SRFBP1: variants seen among roughly 807,000 people sequenced by gnomAD.
SRFBP1 encodes serum response factor binding protein 1, also known as serum response factor-binding protein 1.
SRFBP1 carries 47 observed loss-of-function variants against 45.5 expected under a neutral mutation model. That is an observed-to-expected ratio of 1.03 (90% CI 0.82 to 1.32). The LOEUF (loss-of-function observed/expected upper bound fraction) is 1.32. Ranked by LOEUF, SRFBP1 falls within the 40% of genes most tolerant of loss-of-function variation. SRFBP1 has a pLI of 0.00. For missense variants in SRFBP1, 621 were observed against 484.6 expected, an observed-to-expected ratio of 1.28 and a Z score of -2.64; for synonymous variants, 203 against 166.3, an observed-to-expected ratio of 1.22 and a Z score of -1.70.
intron 3 of SRFBP1, among the ~76,000 whole-genome samples, chr5:121,982,500 A>G (rs901548863): frequency 6.6e-6 from 1 of 152,044 alleles, no homozygotes; most frequent in Non-Finnish European, 1.5e-5. Flanking sequence ...GGCCATATTT[A>G]TATAAAGTCT....
intron 7 of SRFBP1, among the ~76,000 whole-genome samples, chr5:122,024,857 A>C (rs1056092758): frequency 3.9e-5 from 6 of 152,068 alleles, no homozygotes; most frequent in African/African-American, 1.4e-4. Context: ...TACATATACA[A>C]CTCTATGTAA....
chr5:121,987,800 C>T (rs1752546114), intron 3 of SRFBP1, among the ~76,000 whole-genome samples: 1 of 152,246 alleles, frequency 6.6e-6, no homozygotes, highest in Admixed American at 6.5e-5. Flanking sequence ...TTATTGCCTC[C>T]AAGTTGCTTT....
rs78852116 is a variant in SRFBP1 at position 121,980,344 on chromosome 5, A to G, written c.198+4957A>G. ...TTCTGGCACTTGATTTAAGTGCCAT[A>G]TGCCAGATTTCTCCATTGTAAAGGT... On this transcript the variant is annotated intron_variant, in intron 3 of 7. Coordinates refer to ENST00000339397, the MANE Select transcript of SRFBP1 (RefSeq NM_152546.3). Among the ~76,000 whole-genome samples, 508 of 152,266 alleles carry G rather than the reference A, an allele frequency of 3.3e-3. 10 individuals are homozygous for G. The highest frequency in any genetic ancestry group is 8.3e-3 in the South Asian group (40 of 4,828).
At chr5:122,003,832 A>T (rs184627357) in intron 4 of SRFBP1, among the ~76,000 whole-genome samples, 21 of 152,184 alleles carry the variant, frequency 1.4e-4, no homozygotes, top group Admixed American at 1.1e-3. Context: ...CATTTTTTAT[A>T]TATCTGTTGG....
intron 3 of SRFBP1, among the ~76,000 whole-genome samples, chr5:121,984,967 A>G (rs985222791): frequency 1.1e-4 from 16 of 152,018 alleles, no homozygotes; most frequent in African/African-American, 3.6e-4. Flanking sequence ...GAAAAGTTCA[A>G]ATACTTATTT....
At chr5:122,033,507 C>G (rs969183590), downstream of SRFBP1, among the ~76,000 whole-genome samples, 11 of 151,808 alleles carry the variant, frequency 7.2e-5, no homozygotes, top group African/African-American at 2.7e-4. Flanking sequence ...TAAAGTCTCA[C>G]TGGAGTGCAC....
intron 4 of SRFBP1, among the ~76,000 whole-genome samples, chr5:122,011,794 A>G (rs1753099484): frequency 6.6e-6 from 1 of 152,082 alleles, no homozygotes; most frequent in African/African-American, 2.4e-5. Context: ...GAGGAGGGAA[A>G]GAGTCTGTTC....
intron 2 of SRFBP1, chr5:122,073,982 T>C (rs1392465270): frequency 6.3e-7 from 1 of 1,597,960 alleles, no homozygotes; most frequent in Middle Eastern, 1.9e-4. Context: ...CTCTGAGGCT[T>C]GAGGTTCTGG....
intron 4 of SRFBP1, among the ~76,000 whole-genome samples, chr5:122,018,932 A>C (rs894044994): frequency 1.3e-5 from 2 of 152,120 alleles, no homozygotes; most frequent in Non-Finnish European, 1.5e-5. Flanking sequence ...AGATTGTTCA[A>C]GCTCTTTGAT....
At chr5:122,036,271 G>T (rs1413087239) in intron 2 of SRFBP1, among the ~76,000 whole-genome samples, 3 of 152,078 alleles carry the variant, frequency 2.0e-5, no homozygotes, top group African/African-American at 7.2e-5. Context: ...TCTGTGCTCT[G>T]GGAGACTGGA....
chr5:122,017,479 G>A (rs1306657209), intron 4 of SRFBP1, among the ~76,000 whole-genome samples: 1 of 152,098 alleles, frequency 6.6e-6, no homozygotes, highest in Non-Finnish European at 1.5e-5. Flanking sequence ...GTCTTACTGG[G>A]CTTAAGACCA....
chr5:122,018,979 G>A (rs1753241228), intron 4 of SRFBP1, among the ~76,000 whole-genome samples: 1 of 152,018 alleles, frequency 6.6e-6, no homozygotes. Flanking sequence ...GTTACACATG[G>A]TGCTTATCAC....
At chr5:122,014,555 C>T (rs1009858533) in intron 4 of SRFBP1, among the ~76,000 whole-genome samples, 7 of 149,540 alleles carry the variant, frequency 4.7e-5, no homozygotes, top group Non-Finnish European at 8.9e-5. Context: ...TAGAAGAAGA[C>T]ATTAGAAAAA....
chr5:122,057,255 A>G (rs143731506), intron 2 of SRFBP1, among the ~76,000 whole-genome samples: 149 of 152,260 alleles, frequency 9.8e-4, no homozygotes, highest in African/African-American at 3.5e-3. Flanking sequence ...TCCAAAAACA[A>G]TGTTTTGGCT....
intron 3 of SRFBP1, among the ~76,000 whole-genome samples, chr5:121,994,133 A>T (rs550111927): frequency 3.9e-4 from 60 of 151,972 alleles, no homozygotes; most frequent in African/African-American, 1.4e-3. Context: ...TAGTATTTCT[A>T]TTTCCTTTAT....
At chr5:121,963,312 A>G (rs1441967111) in intron 1 of SRFBP1, among the ~76,000 whole-genome samples, 1 of 152,178 alleles carries the variant, frequency 6.6e-6, no homozygotes, top group Non-Finnish European at 1.5e-5. Context: ...CTGAAGAGGG[A>G]AGCTGAAAGT....
intron 2 of SRFBP1, 117 bp from the exon 3 acceptor site, chr5:121,975,198 T>G: frequency 3.7e-4 from 365 of 989,532 alleles, no homozygotes; most frequent in East Asian, 9.8e-4. Context: ...TAGTGGCGTG[T>G]TTGTTATTTA....
intron 3 of SRFBP1, among the ~76,000 whole-genome samples, chr5:121,994,276 A>G (rs187538663): frequency 6.6e-6 from 1 of 152,040 alleles, no homozygotes; most frequent in Admixed American, 6.6e-5. Flanking sequence ...CCTGCTTTCT[A>G]ATTTTTCCTG....
intron 2 of SRFBP1, among the ~76,000 whole-genome samples, chr5:122,058,259 C>G (rs1045204152): frequency 6.6e-5 from 10 of 152,064 alleles, no homozygotes; most frequent in African/African-American, 2.4e-4. Flanking sequence ...CACATGAGCA[C>G]CATGTCAAGA....
Sources: gnomAD v4.1 joint callset for allele counts (sites outside exome capture counted in the v4.1 genomes callset) on GRCh38, gnomAD v4.1.1 for gene constraint, MANE v1.5 for transcripts, NCBI Gene and HGNC (gene_info 2026-07-23, HGNC 2026-07-21) for gene names.